The following NSD3 variants were observed in gnomAD, a reference collection of about 807,000 sequenced individuals.
NSD3 encodes the protein nuclear receptor binding SET domain protein 3.
A neutral mutation model predicts 160.8 loss-of-function variants in NSD3; 24 were observed. The observed-to-expected ratio is 0.15, with a 90% CI of 0.11 to 0.21. The LOEUF is 0.21. Ranked by LOEUF, NSD3 falls within the 10% of genes least tolerant of loss-of-function variation. The pLI is 1.00. For missense variants in NSD3, 1,157 were observed against 1,735.9 expected (o/e 0.67, Z 5.93); for synonymous variants, 520 against 600.0 (o/e 0.87, Z 1.95).
At position 38,309,958 on chromosome 8, in the gene NSD3, T is replaced by C. The variant is rs1262061176; in HGVS notation, c.2243-4513A>G. 4.6e-5 allele frequency among the ~76,000 whole-genome samples: 7 copies of C among 152,346 alleles called. No homozygotes were observed. The East Asian group carries it at 1.3e-3, about 29-fold the overall frequency. ...TTTGAAGAATCACAGTTCTCACTTCTAATATGTTAGAAGTGTACCAAATAG... is the reference window on the plus strand; with the variant it reads ...TTTGAAGAATCACAGTTCTCACTTCCAATATGTTAGAAGTGTACCAAATAG... On this transcript the variant is annotated intron_variant, in intron 12 of 23. Transcript: ENST00000317025.
intron 1 of NSD3, among the ~76,000 whole-genome samples, chr8:38,374,658 A>C (rs918187805): frequency 6.6e-6 from 1 of 152,110 alleles, no homozygotes; most frequent in South Asian, 2.1e-4. Context: ...ATGACAGTCT[A>C]TTTGGCCTGA....
intron 2 of NSD3, among the ~76,000 whole-genome samples, chr8:38,339,618 C>G (rs999360211): frequency 6.6e-6 from 1 of 151,426 alleles, no homozygotes; most frequent in African/African-American, 2.4e-5. Context: ...CCAAGCTACT[C>G]AGGAGGCTGG....
chr8:38,281,697 A>G, intron 19 of NSD3, 114 bp from the exon 20 acceptor site: 2 of 553,118 alleles, frequency 3.6e-6, no homozygotes, highest in Non-Finnish European at 3.0e-6. Context: ...TATAACTTCA[A>G]CCCTAGAAAG....
chr8:38,347,046 ACT>A (rs1257611510), intron 2 of NSD3, among the ~76,000 whole-genome samples: 21 of 152,284 alleles, frequency 1.4e-4, no homozygotes, highest in Non-Finnish European at 1.3e-4. Context: ...ATTAATACTA[ACT>A]CTGATTTTAA....
chr8:38,351,937 G>C (rs1207052960), intron 1 of NSD3, among the ~76,000 whole-genome samples: 4 of 151,498 alleles, frequency 2.6e-5, no homozygotes, highest in Non-Finnish European at 5.9e-5. Flanking sequence ...AGAGTTAATG[G>C]GTGCAGCACA....
intron 4 of NSD3, among the ~76,000 whole-genome samples, chr8:38,332,794 T>G (rs772753002): frequency 6.6e-6 from 1 of 152,046 alleles, no homozygotes; most frequent in African/African-American, 2.4e-5. Flanking sequence ...CATAGTAGAC[T>G]AGACATTTGA....
intron 7 of NSD3, among the ~76,000 whole-genome samples, chr8:38,322,641 C>A (rs1333516196): frequency 6.6e-6 from 1 of 151,970 alleles, no homozygotes; most frequent in Non-Finnish European, 1.5e-5. Context: ...TGAAAGTTAC[C>A]CAAAGAACAT....
At chr8:38,306,712 C>A (rs887047136) in intron 12 of NSD3, among the ~76,000 whole-genome samples, 1 of 151,956 alleles carries the variant, frequency 6.6e-6, no homozygotes, top group African/African-American at 2.4e-5. Context: ...TAAAAGTGGG[C>A]AGAGGATGTA....
intron 1 of NSD3, among the ~76,000 whole-genome samples, chr8:38,352,623 T>C (rs1319748677): frequency 6.6e-6 from 1 of 152,150 alleles, no homozygotes; most frequent in Admixed American, 6.5e-5. Context: ...TTGTTTGTTT[T>C]GAGATAGGGT....
chr8:38,332,671 T>C (rs529820343), intron 4 of NSD3, among the ~76,000 whole-genome samples: 1 of 152,272 alleles, frequency 6.6e-6, no homozygotes, highest in Non-Finnish European at 1.5e-5. Context: ...TTGACATTGT[T>C]ATGATATCTA....
intron 1 of NSD3, among the ~76,000 whole-genome samples, chr8:38,362,463 C>T (rs1206451069): frequency 6.6e-6 from 1 of 151,620 alleles, no homozygotes; most frequent in African/African-American, 2.4e-5. Context: ...AAAATTTGCC[C>T]CAATTATTTT....
At chr8:38,364,422 T>C (rs1428271504) in intron 1 of NSD3, among the ~76,000 whole-genome samples, 2 of 152,228 alleles carry the variant, frequency 1.3e-5, no homozygotes, top group East Asian at 1.9e-4. Context: ...TAGATTTTAA[T>C]TGCTGGTAGG....
In NSD3 at chr8:38,355,819, A is replaced by G. The variant is rs1049724949; in HGVS notation, c.-44-7604T>C. Among the ~76,000 whole-genome samples, 5 of 152,324 alleles carry G rather than the reference A, an allele frequency of 3.3e-5. 1 individual carries two copies. In the South Asian group the frequency reaches 1.0e-3, roughly 32 times the overall value. On this transcript the variant is annotated intron_variant, in intron 1 of 23. Coordinates refer to ENST00000317025, the MANE Select transcript of NSD3 (RefSeq NM_023034.2). ...CTATTCTAAACATTTTACATTTGTTATATTATTTTACTTCACAGAACACCC... is the reference window on the plus strand; with the variant it reads ...CTATTCTAAACATTTTACATTTGTTGTATTATTTTACTTCACAGAACACCC...
chr8:38,317,128 AACAGGC>A lies in NSD3; in HGVS notation c.1856-1092_1856-1087del. 1 of 1,062,634 alleles carries A rather than the reference AACAGGC, an allele frequency of 9.4e-7. No individual in the cohort carries two copies. Among genetic ancestry groups the A allele is most frequent in the East Asian group, 5.1e-5 (1 of 19,684 alleles). 65.8% of individuals were successfully genotyped at this position (1,062,634 alleles called of 1,614,324 possible). On this transcript the variant is annotated intron_variant, in intron 9 of 23. Coordinates refer to ENST00000317025, the MANE Select transcript of NSD3 (RefSeq NM_023034.2). The surrounding 1 kb of genome is among the most constrained non-coding windows in gnomAD (Gnocchi z 5.3). ...GTCTCCTGAGGCCATGAAGATCCGCAACAGGCTGAGTGAGAGTAGCACTTGGAACAT... is the reference window on the plus strand; with the variant it reads ...GTCTCCTGAGGCCATGAAGATCCGCATGAGTGAGAGTAGCACTTGGAACAT...
chr8:38,294,190 A>G (rs1218530780), intron 16 of NSD3, among the ~76,000 whole-genome samples: 4 of 152,132 alleles, frequency 2.6e-5, no homozygotes, highest in Admixed American at 2.6e-4. Flanking sequence ...CCTGGGCTCC[A>G]GCAATCCTCC....
At chr8:38,326,705 A>G (rs1809920188) in intron 7 of NSD3, 25 bp downstream of exon 7, 2 of 1,610,122 alleles carry the variant, frequency 1.2e-6, no homozygotes, top group Non-Finnish European at 1.7e-6. Flanking sequence ...AAATGGACCT[A>G]TATATACTTT....
chr8:38,348,007 T>G lies in NSD3; in HGVS notation c.165A>C (p.Gln55His), dbSNP rs973956593. The change falls in exon 2 of 24, where the codon CAA becomes CAC. Residue 55 changes from glutamine (Q) to histidine (H), a missense_variant. Physicochemically the swap from Gln to His is conservative, Grantham distance 24. Coordinates refer to ENST00000317025, the MANE Select transcript of NSD3 (RefSeq NM_023034.2). ...GQTPYEATLQ[Q>H]GFQYPATTED... ...CTGTTGTAGCTGGGTACTGAAAGCC[T>G]TGCTGCAAAGTAGCTTCATATGGTG... 7 of 1,614,234 alleles carry G rather than the reference T, an allele frequency of 4.3e-6. No homozygotes were observed. The highest frequency in any genetic ancestry group is 5.9e-6 in the Non-Finnish European group (7 of 1,180,038).
chr8:38,357,940 T>C (rs550934569), intron 1 of NSD3, among the ~76,000 whole-genome samples: 11 of 152,280 alleles, frequency 7.2e-5, no homozygotes, highest in Middle Eastern at 3.4e-3. Context: ...CTCACTTAGA[T>C]GTCACTGAGA....
chr8:38,298,530 CTG>C lies in NSD3; in HGVS notation c.2758+912_2758+913del, dbSNP rs143129228. ...CAAAAGCCCATTTCAAATACACCTA[CTG>C]TGTGTGTGTGTGTGTGTGTGTGTGT... On this transcript the variant is annotated intron_variant, in intron 15 of 23. Transcript: ENST00000317025. Among the ~76,000 whole-genome samples the C allele has an allele frequency of 2.4e-3, 344 of 144,804 alleles. 1 individual carries two copies. The highest frequency in any genetic ancestry group is 4.7e-3 in the Admixed American group (68 of 14,424). The allele number at this position is 144,804 out of a possible 152,430, so 95.0% of individuals were successfully genotyped here. A position where few individuals can be genotyped will look rare whatever the true frequency, so the allele number is the denominator to read the frequency against.
Sources: allele counts gnomAD v4.1 joint callset (sites outside exome capture counted in the v4.1 genomes callset), GRCh38; gene constraint gnomAD v4.1.1; non-coding constraint Gnocchi (gnomAD v3.1); transcripts MANE v1.5; gene names NCBI Gene and HGNC (gene_info 2026-07-23, HGNC 2026-07-21).